The following SGCD variants were observed in gnomAD, a reference collection of about 807,000 sequenced individuals.
The protein encoded by SGCD is delta-sarcoglycan.
A neutral mutation model predicts 36.6 loss-of-function variants in SGCD; 18 were observed. That is an observed-to-expected ratio of 0.49 (90% confidence interval 0.34 to 0.73). SGCD has a LOEUF of 0.73. Among genes scored for constraint, SGCD ranks in the 30% least tolerant of loss-of-function variants. The pLI is 0.01. For missense variants in SGCD, 387 were observed against 346.7 expected, an observed-to-expected ratio of 1.12 and a Z score of -0.92; for synonymous variants, 133 against 130.6, an observed-to-expected ratio of 1.02 and a Z score of -0.12.
the SGCD span, among the ~76,000 whole-genome samples, chr5:155,747,214 CA>C: frequency 6.6e-6 from 1 of 152,166 alleles, no homozygotes; most frequent in East Asian, 1.9e-4. Flanking sequence ...GAAATTTAAA[CA>C]AAATGTAATG....
the SGCD span, among the ~76,000 whole-genome samples, chr5:155,776,443 A>G: frequency 3.3e-5 from 5 of 152,300 alleles, no homozygotes; most frequent in Non-Finnish European, 5.9e-5. Context: ...TATGTATTGA[A>G]CACAGAGACT....
chr5:156,124,004 G>A (rs998689332), exon 3 of SGCD: 10 of 152,140 alleles, frequency 6.6e-5, no homozygotes, highest in African/African-American at 1.9e-4. Flanking sequence ...GATTCAAAAA[G>A]TTTAGGACTG....
At chr5:156,501,833 C>A (rs1158881926) in intron 3 of SGCD, among the ~76,000 whole-genome samples, 1 of 152,194 alleles carries the variant, frequency 6.6e-6, no homozygotes, top group African/African-American at 2.4e-5. Flanking sequence ...GCCTGGCCTC[C>A]TCCTTCTGTC....
At chr5:156,505,798 C>A (rs1756668479) in intron 3 of SGCD, among the ~76,000 whole-genome samples, 1 of 152,124 alleles carries the variant, frequency 6.6e-6, no homozygotes, top group African/African-American at 2.4e-5. Context: ...CACACACACA[C>A]ACACACCCCT....
intron 1 of SGCD, among the ~76,000 whole-genome samples, chr5:155,916,888 G>C (rs974941456): frequency 1.1e-4 from 16 of 152,284 alleles, no homozygotes; most frequent in African/African-American, 3.6e-4. Context: ...GACCCAATGA[G>C]AGATGAGGCC....
chr5:156,535,981 G>A (rs1758090378), intron 4 of SGCD, among the ~76,000 whole-genome samples: 1 of 152,076 alleles, frequency 6.6e-6, no homozygotes, highest in Non-Finnish European at 1.5e-5. Context: ...TTTTTTTAAA[G>A]AATAAGAAAG....
chr5:156,456,514 G>T (rs1157751399), intron 3 of SGCD, among the ~76,000 whole-genome samples: 1 of 152,184 alleles, frequency 6.6e-6, no homozygotes, highest in Non-Finnish European at 1.5e-5. Context: ...AAACTTGTAA[G>T]CTATGAAGGT....
At chr5:155,786,425 T>A in the SGCD span, among the ~76,000 whole-genome samples, 1 of 152,130 alleles carries the variant, frequency 6.6e-6, no homozygotes, top group East Asian at 1.9e-4. Flanking sequence ...AGACTTGGAA[T>A]TGGCTTACTT....
At chr5:155,789,285 A>G in the SGCD span, among the ~76,000 whole-genome samples, 6 of 152,134 alleles carry the variant, frequency 3.9e-5, no homozygotes, top group Admixed American at 6.6e-5. Context: ...TGTTCACAAT[A>G]TTTAGATATT....
chr5:156,745,489 G>T (rs779845042), intron 7 of SGCD, among the ~76,000 whole-genome samples: 52 of 152,088 alleles, frequency 3.4e-4, no homozygotes, highest in Non-Finnish European at 6.0e-4. Flanking sequence ...TTAAATGCAG[G>T]CTTCAAATAA....
chr5:156,657,230 TC>T (rs1396469408), intron 7 of SGCD, among the ~76,000 whole-genome samples: 18 of 151,918 alleles, frequency 1.2e-4, no homozygotes, highest in South Asian at 2.1e-4. Context: ...TTTTTTTTTT[TC>T]CTCTCTCTTT....
chr5:156,208,006 C>A (rs1242998232), intron 3 of SGCD, among the ~76,000 whole-genome samples: 1 of 152,052 alleles, frequency 6.6e-6, no homozygotes, highest in Non-Finnish European at 1.5e-5. Context: ...GTTAGACACA[C>A]AATTTACCAT....
intron 4 of SGCD, among the ~76,000 whole-genome samples, chr5:156,526,268 A>G (rs1192565177): frequency 1.3e-5 from 2 of 152,288 alleles, no homozygotes; most frequent in East Asian, 1.9e-4. Context: ...AGGGAAAAAA[A>G]AAGTGAGAAC....
At chr5:156,114,189 T>C (rs1007582587) in intron 1 of SGCD, among the ~76,000 whole-genome samples, 1 of 152,086 alleles carries the variant, frequency 6.6e-6, no homozygotes, top group African/African-American at 2.4e-5. Flanking sequence ...GTTCATCAAT[T>C]GTAAGAAATG....
chr5:156,581,863 A>G (rs1304306094), intron 4 of SGCD, among the ~76,000 whole-genome samples: 2 of 151,770 alleles, frequency 1.3e-5, no homozygotes, highest in African/African-American at 2.4e-5. Context: ...AAATTCCCCA[A>G]CCTCCTGTGC....
At chr5:156,539,807 A>G (rs1376458581) in intron 4 of SGCD, among the ~76,000 whole-genome samples, 1 of 152,072 alleles carries the variant, frequency 6.6e-6, no homozygotes, top group Non-Finnish European at 1.5e-5. Context: ...ATTTTTATCA[A>G]TCCTGATAGG....
In SGCD at chr5:156,481,100, G is replaced by A. The variant is rs186947214; in HGVS notation, c.193-27501G>A. ...CACAGTAATAGTATGACTCCATAAT[G>A]TTGGGGTAAAGATTGGTATAATTAA... On this transcript the variant is annotated intron_variant, in intron 3 of 8. Coordinates refer to ENST00000337851, the MANE Select transcript of SGCD (RefSeq NM_000337.6). Among the ~76,000 whole-genome samples, 163 of 152,320 alleles carry A rather than the reference G, an allele frequency of 1.1e-3. 2 individuals are homozygous for A. The highest frequency in any genetic ancestry group is 3.5e-3 in the African/African-American group (146 of 41,570).
At chr5:155,883,793 CAAAA>C (rs34250962) in intron 1 of SGCD, among the ~76,000 whole-genome samples, 8 of 83,488 alleles carry the variant, frequency 9.6e-5, no homozygotes, top group African/African-American at 3.0e-4. Context: ...CTTCAATTTG[CAAAA>C]AAAAAAAAAA....
At chr5:156,098,172 T>C (rs544571529) in intron 1 of SGCD, among the ~76,000 whole-genome samples, 45 of 152,292 alleles carry the variant, frequency 3.0e-4, no homozygotes, top group Admixed American at 2.6e-3. Flanking sequence ...TTTCCAGTTA[T>C]TGTTTCCCTT....
Sources: gnomAD v4.1 joint callset for allele counts (sites outside exome capture counted in the v4.1 genomes callset) on GRCh38, gnomAD v4.1.1 for gene constraint, MANE v1.5 for transcripts, NCBI Gene and HGNC (gene_info 2026-07-23, HGNC 2026-07-21) for gene names.